The following CYP2D6 variants were observed in gnomAD, a reference collection of about 807,000 sequenced individuals.
CYP2D6 encodes cytochrome P450 2D6.
Under a neutral mutation model 43.5 loss-of-function variants are expected in CYP2D6, and 51 were observed. The ratio of observed to expected loss-of-function variants is 1.17; its 90% CI spans 0.94 to 1.48. CYP2D6 has a LOEUF of 1.48. Ranked by LOEUF, CYP2D6 falls within the 40% of genes most tolerant of loss-of-function variation. The pLI is 0.00. For missense variants in CYP2D6, 698 were observed against 688.0 expected (o/e 1.01, Z -0.16); for synonymous variants, 346 against 297.1 (o/e 1.16, Z -1.69).
In CYP2D6 at chr22:42,129,172, C is replaced by A. The variant is rs756389811; in HGVS notation, c.366G>T (p.Ala122=). The change falls in exon 3 of 9, where the codon GCG becomes GCT. Residue 122 remains alanine, a synonymous_variant. Transcript: ENST00000645361. ...FGPRSQGVFL[A]RYGPAWREQR... is the part of the protein sequence containing the mutation. Reference sequence around the variant, plus strand: ...GCTCGCGCCACGCGGGCCCATAGCGCGCCAGGAACACCCCTGGGGGTGGGA... The same window carrying A: ...GCTCGCGCCACGCGGGCCCATAGCGAGCCAGGAACACCCCTGGGGGTGGGA... The A allele has an allele frequency of 6.2e-7, 1 of 1,605,682 alleles. No individual in the cohort carries two copies. The highest frequency in any genetic ancestry group is 8.5e-7 in the Non-Finnish European group (1 of 1,178,018).
chr22:42,129,899 C>G lies in CYP2D6; in HGVS notation c.191G>C (p.Arg64Pro). The G allele has an allele frequency of 6.4e-7, 1 of 1,569,410 alleles. No individual in the cohort carries two copies. Residue 64 changes from arginine (R) to proline (P), a missense_variant, in exon 2 of 9, where the codon CGC becomes CCC. Physicochemically the swap from Arg to Pro is moderately radical, Grantham distance 103. Coordinates refer to ENST00000645361, the MANE Select transcript of CYP2D6 (RefSeq NM_000106.6). Reference sequence around the variant, plus strand: ...CTGCAGGCTGAACACGTCCCCGAAGCGGCGCCGCAACTGCAGAGGGAGGGT... The same window carrying G: ...CTGCAGGCTGAACACGTCCCCGAAGGGGCGCCGCAACTGCAGAGGGAGGGT... ...TPYCFDQLRR[R>P]FGDVFSLQLA... is the part of the protein sequence containing the mutation.
chr22:42,128,866 A>C lies in CYP2D6; in HGVS notation c.584T>G (p.Phe195Cys), dbSNP rs1931473426. The C allele has an allele frequency of 6.2e-7, 1 of 1,603,064 alleles. No homozygotes were observed. The highest frequency in any genetic ancestry group is 8.5e-7 in the Non-Finnish European group (1 of 1,174,510). Residue 195 changes from phenylalanine to cysteine, a missense_variant, in exon 4 of 9, where the codon TTC becomes TGC. Coordinates refer to ENST00000645361, the MANE Select transcript of CYP2D6 (RefSeq NM_000106.6). ...GAGGAAGCGAGGGTCGTCGTACTCG[A>C]AGCGGCGCCCGCAGGTGAGGGAGGC... ...VIASLTCGRR[F>C]EYDDPRFLRL... is the part of the protein sequence containing the mutation.
chr22:42,130,729 G>T lies in CYP2D6; in HGVS notation c.63C>A (p.Asp21Glu). The T allele has an allele frequency of 6.3e-7, 1 of 1,599,396 alleles. No homozygotes were observed. Among genetic ancestry groups the T allele is most frequent in the Non-Finnish European group, 8.5e-7 (1 of 1,172,574 alleles). ...VIVAIFLLLV[D>E]LMHRRQRWAA... ...CCCAGCGTTGGCGCCGGTGCATCAG[G>T]TCCACCAGGAGCAGGAAGATGGCCA... The change falls in exon 1 of 9, where the codon GAC (aspartate) becomes GAA (glutamate). Residue 21 changes from aspartate to glutamate, a missense_variant. By Grantham distance (45) the Asp-to-Glu change is conservative (BLOSUM62 2). Coordinates refer to ENST00000645361, the MANE Select transcript of CYP2D6 (RefSeq NM_000106.6).
chr22:42,129,742 G>A lies in CYP2D6; in HGVS notation c.348C>T (p.Ser116=), dbSNP rs1261957104. 1 of 1,609,902 alleles carries A rather than the reference G, an allele frequency of 6.2e-7. No individual in the cohort carries two copies. The highest frequency in any genetic ancestry group is 8.5e-7 in the Non-Finnish European group (1 of 1,178,140). The change falls in exon 2 of 9, where the codon TCC becomes TCT. Residue 116 remains serine, a synonymous_variant. Transcript: ENST00000645361. ...TCTGTCCCCACCGCTGCTTGCCTTGGGAACGCGGCCCGAAACCCAGGATCT... is the reference window on the plus strand; with the variant it reads ...TCTGTCCCCACCGCTGCTTGCCTTGAGAACGCGGCCCGAAACCCAGGATCT... ...ITQILGFGPR[S]QGVFLARYGP... is the part of the protein sequence containing the mutation.
At position 42,127,693 on chromosome 22, in the gene CYP2D6, CCTT is replaced by C. The variant is rs768806497; in HGVS notation, c.986-62_986-60del. Reference sequence around the variant, plus strand: ...ACCCAGGGGGTCCGGCCCTGACACTCCTTCTTGCCTCCTATGTTGGAGGAGGTC... The same window carrying C: ...ACCCAGGGGGTCCGGCCCTGACACTCCTTGCCTCCTATGTTGGAGGAGGTC... On this transcript the variant is annotated intron_variant, in intron 6 of 8. Transcript: ENST00000645361. 152 of 1,583,620 alleles carry C rather than the reference CCTT, an allele frequency of 9.6e-5. 3 individuals carry two copies. The highest frequency in any genetic ancestry group is 1.0e-4 in the Non-Finnish European group (117 of 1,154,022).
In CYP2D6 at chr22:42,127,615, G is replaced by C; in HGVS notation, c.1005C>G (p.Ile335Met). The C allele has an allele frequency of 1.2e-6, 2 of 1,611,592 alleles. No individual in the cohort carries two copies. Among genetic ancestry groups the C allele is most frequent in the Non-Finnish European group, 1.7e-6 (2 of 1,178,378 alleles). ...GCCGCACCTGCCCTATCACGTCGTCGATCTCCTGTTGGACACGGCCTGGAC... is the reference window on the plus strand; with the variant it reads ...GCCGCACCTGCCCTATCACGTCGTCCATCTCCTGTTGGACACGGCCTGGAC... ...PDVQRRVQQE[I>M]DDVIGQVRRP... Residue 335 changes from isoleucine (I) to methionine (M), a missense_variant, in exon 7 of 9, where the codon ATC becomes ATG. By Grantham distance (10) the Ile-to-Met change is conservative (BLOSUM62 1). Transcript: ENST00000645361.
chr22:42,129,683 G>T, intron 2 of CYP2D6, 55 bp downstream of exon 2: 1 of 1,600,848 alleles, frequency 6.2e-7, no homozygotes. Context: ...TCGGACTACG[G>T]TCATCACCCA....
chr22:42,129,407 AC>A, intron 2 of CYP2D6: 2 of 799,416 alleles, frequency 2.5e-6, no homozygotes, highest in South Asian at 1.5e-5. Context: ...CTCAGGGAAG[AC>A]CCCGCGGGCC....
rs1931137227 is a variant in CYP2D6 at position 42,127,582 on chromosome 22, C to T, written c.1038G>A (p.Glu346=). The change falls in exon 7 of 9, where the codon GAG becomes GAA. Residue 346 remains glutamate, a synonymous_variant. Transcript: ENST00000645361. ...DDVIGQVRRP[E]MGDQAHMPYT... Reference sequence around the variant, plus strand: ...AGGGCATGTGAGCCTGGTCACCCATCTCTGGTCGCCGCACCTGCCCTATCA... The same window carrying T: ...AGGGCATGTGAGCCTGGTCACCCATTTCTGGTCGCCGCACCTGCCCTATCA... 1.9e-6 allele frequency: 3 copies of T among 1,612,088 alleles called. No homozygotes were observed. The South Asian group carries it at 3.3e-5, about 18-fold the overall frequency.
intron 1 of CYP2D6, 21 bp downstream of exon 1, chr22:42,130,591 C>T (rs1196419812): frequency 6.4e-7 from 1 of 1,559,948 alleles, no homozygotes; most frequent in Non-Finnish European, 8.7e-7. Flanking sequence ...CTCTGCCGCC[C>T]TCCAGGACCT....
chr22:42,129,499 GC>G, intron 2 of CYP2D6: 1 of 722,664 alleles, frequency 1.4e-6, no homozygotes, highest in Non-Finnish European at 2.4e-6. Flanking sequence ...TGGGAAATGC[GC>G]CAGCCTCACC....
rs775065145 is a variant in CYP2D6, at chr22:42,127,934, A to G, written c.893T>C (p.Val298Ala). ...SSFNDENLRI[V>A]VADLFSAGMV... is the part of the protein sequence containing the mutation. ...CCCGGCAGAGAACAGGTCAGCCACC[A>G]CTATGCGCAGGTTCTCATCATTGAA... The change falls in exon 6 of 9, where the codon GTG becomes GCG. Residue 298 changes from valine (V) to alanine (A), a missense_variant. Val to Ala is a moderately conservative substitution (Grantham distance 64). Around this residue, in one of 5 missense-constraint regions of CYP2D6, gnomAD observed 588 missense variants for 521.1 expected, o/e 1.13. Transcript: ENST00000645361. 1.2e-6 allele frequency: 2 copies of G among 1,611,202 alleles called. No individual in the cohort carries two copies. Among genetic ancestry groups the G allele is most frequent in the Non-Finnish European group, 8.5e-7 (1 of 1,178,228 alleles).
intron 4 of CYP2D6, 24 bp from the exon 5 acceptor site, chr22:42,128,374 C>G: frequency 1.2e-6 from 2 of 1,607,464 alleles, no homozygotes; most frequent in South Asian, 2.2e-5. Flanking sequence ...AACGGGGTCT[C>G]AATCCCTCCT....
chr22:42,129,811 G>T lies in CYP2D6; in HGVS notation c.279C>A (p.Thr93=). 2.5e-6 allele frequency: 4 copies of T among 1,605,256 alleles called. No individual in the cohort carries two copies. Among genetic ancestry groups the T allele is most frequent in the Non-Finnish European group, 3.4e-6 (4 of 1,176,390 alleles). Residue 93 remains threonine (T), a synonymous_variant, in exon 2 of 9, where the codon ACC becomes ACA. Transcript: ENST00000645361. ...GLAAVREALV[T]HGEDTADRPP... ...GGCGGTCGGCGGTGTCCTCGCCGTG[G>T]GTCACCAGCGCCTCGCGCACGGCCG...
intron 2 of CYP2D6, 146 bp downstream of exon 2, chr22:42,129,592 T>C (rs1931686307): frequency 9.3e-7 from 1 of 1,080,634 alleles, no homozygotes; most frequent in Non-Finnish European, 1.4e-6. Flanking sequence ...CACACCTCCC[T>C]AGTGCAGGTG....
At chr22:42,127,078 G>A in intron 7 of CYP2D6, 86 bp from the exon 8 acceptor site, 1 of 1,464,914 alleles carries the variant, frequency 6.8e-7, no homozygotes, top group Admixed American at 1.9e-5. Context: ...GACACACACT[G>A]CCTGGCACAC....
Position 42,128,855 on chromosome 22 carries a change from C to A in CYP2D6, c.595G>T (p.Asp199Tyr), listed in dbSNP as rs149300955. 9 of 1,604,794 alleles carry A rather than the reference C, an allele frequency of 5.6e-6. No individual in the cohort carries two copies. In the African/African-American group the frequency reaches 8.1e-5, roughly 14 times the overall value. ...LTCGRRFEYD[D>Y]PRFLRLLDLA... Reference sequence around the variant, plus strand: ...TCCAGCAGCCTGAGGAAGCGAGGGTCGTCGTACTCGAAGCGGCGCCCGCAG... The same window carrying A: ...TCCAGCAGCCTGAGGAAGCGAGGGTAGTCGTACTCGAAGCGGCGCCCGCAG... Residue 199 changes from aspartate (D) to tyrosine (Y), a missense_variant, in exon 4 of 9, where the codon GAC becomes TAC. Physicochemically the swap from Asp to Tyr is radical, Grantham distance 160. This residue lies in a region of CYP2D6 where 588 missense variants were observed against 521.1 expected (regional missense o/e 1.13). Coordinates refer to ENST00000645361, the MANE Select transcript of CYP2D6 (RefSeq NM_000106.6).
At chr22:42,127,796 T>G (rs780137937) in intron 6 of CYP2D6, 46 bp downstream of exon 6, 6 of 1,604,510 alleles carry the variant, frequency 3.7e-6, no homozygotes, top group Non-Finnish European at 5.1e-6. Context: ...CCCCCGCCTG[T>G]ACCCTTCCTC....
chr22:42,130,607 C>T lies in CYP2D6; in HGVS notation c.180+5G>A, dbSNP rs762885598. 3.8e-6 allele frequency: 6 copies of T among 1,593,842 alleles called. 1 individual carries two copies. The highest frequency in any genetic ancestry group is 5.1e-6 in the Non-Finnish European group (6 of 1,169,620). Reference sequence around the variant, plus strand: ...TCTGCCGCCCTCCAGGACCTCCTCCCTCACCTGGTCGAAGCAGTATGGTGT... The same window carrying T: ...TCTGCCGCCCTCCAGGACCTCCTCCTTCACCTGGTCGAAGCAGTATGGTGT... On this transcript the variant is annotated splice_donor_5th_base_variant and intron_variant, in intron 1 of 8. Transcript: ENST00000645361.
Sources: allele counts gnomAD v4.1 joint callset, GRCh38; gene constraint gnomAD v4.1.1; regional missense constraint gnomAD v4.1.1; transcripts MANE v1.5; gene names NCBI Gene and HGNC (gene_info 2026-07-23, HGNC 2026-07-21).